The following REEP5 variants were observed in gnomAD, a reference collection of about 807,000 sequenced individuals.
REEP5 encodes receptor accessory protein 5.
REEP5 carries 24 observed loss-of-function variants against 22.4 expected under a neutral mutation model. The observed-to-expected ratio is 1.07, with a 90% CI of 0.78 to 1.51. The LOEUF (loss-of-function observed/expected upper bound fraction) is 1.51. Among genes scored for constraint, REEP5 ranks in the 40% most tolerant of loss-of-function variants. The pLI is 0.00. For missense variants in REEP5, 252 were observed against 233.0 expected (o/e 1.08, Z -0.53); for synonymous variants, 103 against 88.6 (o/e 1.16, Z -0.92).
intron 3 of REEP5, chr5:112,892,173 C>T: frequency 6.2e-7 from 1 of 1,614,210 alleles, no homozygotes; most frequent in East Asian, 2.2e-5. Context: ...CTAATTGTCC[C>T]TTCTACAGTA....
intron 2 of REEP5, among the ~76,000 whole-genome samples, chr5:112,911,025 A>C (rs1436676286): frequency 6.6e-6 from 1 of 152,208 alleles, no homozygotes; most frequent in Non-Finnish European, 1.5e-5. Context: ...AGTTCTGACC[A>C]ATGAAACAGA....
chr5:112,882,925 G>A (rs1768123604), intron 4 of REEP5, among the ~76,000 whole-genome samples: 1 of 152,046 alleles, frequency 6.6e-6, no homozygotes, highest in African/African-American at 2.4e-5. Context: ...AGTCACATGT[G>A]CTCACAGCAT....
At chr5:112,895,246 A>AAAAAAAG (rs1192089055) in intron 3 of REEP5, 2 of 150,954 alleles carry the variant, frequency 1.3e-5, no homozygotes, top group East Asian at 2.0e-4. Flanking sequence ...TCAAAAAAAA[A>AAAAAAAG]AAAAAAAAAA....
Position 112,887,106 on chromosome 5 carries a change from A to C in REEP5, c.429T>G (p.Pro143=). 2 of 1,613,708 alleles carry C rather than the reference A, an allele frequency of 1.2e-6. No homozygotes were observed. Among genetic ancestry groups the C allele is most frequent in the Non-Finnish European group, 1.7e-6 (2 of 1,179,952 alleles). ...TCTGGGACTCGTGCTTCAGGAAGAA[A>C]GGACGGATGATGCGCTTGTAGAGCA... ...AELLYKRIIR[P]FFLKHESQMD... is the part of the protein sequence containing the mutation. Residue 143 remains proline (P), a synonymous_variant, in exon 4 of 5, where the codon CCT becomes CCG. Coordinates refer to ENST00000379638, the MANE Select transcript of REEP5 (RefSeq NM_005669.5).
chr5:112,911,531 C>T (rs1486058621), intron 2 of REEP5, among the ~76,000 whole-genome samples: 1 of 152,198 alleles, frequency 6.6e-6, no homozygotes, highest in Non-Finnish European at 1.5e-5. Context: ...TTATTTCAGA[C>T]ACAATAAATC....
chr5:112,921,728 ACGCGCCCGCCCGCAGGGGCCCCGCCGTC>A (rs1769374325), intron 1 of REEP5: 2 of 232,578 alleles, frequency 8.6e-6, no homozygotes, highest in East Asian at 1.2e-4. Flanking sequence ...ACCTCCGTCA[ACGCGCCCGCCCGCAGGGGCCCCGCCGTC>A]CGCGCCCACC....
At chr5:112,894,672 G>A (rs1297945405) in intron 3 of REEP5, 2 of 152,116 alleles carry the variant, frequency 1.3e-5, no homozygotes, top group African/African-American at 4.8e-5. Flanking sequence ...AGCAGCAAGT[G>A]TTTTTAGCAT....
rs571449767 is a variant in REEP5, at chr5:112,891,374, T to A, written c.352-4191A>T. Among the ~76,000 whole-genome samples the A allele has an allele frequency of 6.6e-5, 10 of 152,180 alleles. No homozygotes were observed. The South Asian group carries it at 2.1e-3, about 32-fold the overall frequency. ...AGGAGTGAGCCACCGCACCTGGCCATAAGTAAATATTTTAGAACTCTCCTT... is the reference window on the plus strand; with the variant it reads ...AGGAGTGAGCCACCGCACCTGGCCAAAAGTAAATATTTTAGAACTCTCCTT... On this transcript the variant is annotated intron_variant, in intron 3 of 4. Coordinates refer to ENST00000379638, the MANE Select transcript of REEP5 (RefSeq NM_005669.5).
Position 112,878,729 on chromosome 5 carries a change from A to T in REEP5, c.*57T>A, listed in dbSNP as rs138911572. Reference sequence around the variant, plus strand: ...TAATTATACCACAGTCCCTAATATAACATCAAGCTCCAGTAGGAAGGTACA... The same window carrying T: ...TAATTATACCACAGTCCCTAATATATCATCAAGCTCCAGTAGGAAGGTACA... On this transcript the variant is annotated 3_prime_UTR_variant, in exon 5 of 5. Transcript: ENST00000379638. 87 of 1,602,562 alleles carry T rather than the reference A, an allele frequency of 5.4e-5. No individual in the cohort carries two copies. The African/African-American group carries it at 9.7e-4, about 18-fold the overall frequency.
intron 3 of REEP5, 42 bp from the exon 4 acceptor site, chr5:112,887,225 G>A (rs1768282808): frequency 6.7e-7 from 1 of 1,500,502 alleles, no homozygotes; most frequent in Non-Finnish European, 9.0e-7. Flanking sequence ...GGAGGGTGGA[G>A]GGGGCACATT....
chr5:112,887,790 G>C (rs1319438636), intron 3 of REEP5, among the ~76,000 whole-genome samples: 1 of 151,964 alleles, frequency 6.6e-6, no homozygotes, highest in Admixed American at 6.6e-5. Flanking sequence ...TTGCCATTGA[G>C]ATTTTTTTTT....
At chr5:112,921,414 G>C in intron 1 of REEP5, 158 bp from the exon 2 acceptor site, 1 of 698,746 alleles carries the variant, frequency 1.4e-6, no homozygotes, top group Non-Finnish European at 2.5e-6. Flanking sequence ...CTGGGCCTGC[G>C]CGTCCGCTGG....
intron 3 of REEP5, 85 bp from the exon 4 acceptor site, chr5:112,887,268 G>C: frequency 8.0e-7 from 1 of 1,249,552 alleles, no homozygotes; most frequent in African/African-American, 1.5e-5. Context: ...ACTACTCTGG[G>C]GATGGGAGAT....
chr5:112,907,561 T>C (rs1263867919), intron 2 of REEP5, among the ~76,000 whole-genome samples: 1 of 152,164 alleles, frequency 6.6e-6, no homozygotes, highest in Non-Finnish European at 1.5e-5. Flanking sequence ...GGCAAAACTG[T>C]GGCAGCAGCT....
chr5:112,878,884 T>C, intron 4 of REEP5, 49 bp from the exon 5 acceptor site: 1 of 1,613,652 alleles, frequency 6.2e-7, no homozygotes, highest in Non-Finnish European at 8.5e-7. Context: ...GCTCTTTCTT[T>C]GGAATGCAAG....
At position 112,876,649 on chromosome 5, in the gene REEP5, A is replaced by G. The variant is rs894681973; in HGVS notation, c.*2137T>C. ...ACCTTTGAAACACTATTCACATTCAAATAAACGCTTGTTTTCTAGCCAGGC... is the reference window on the plus strand; with the variant it reads ...ACCTTTGAAACACTATTCACATTCAGATAAACGCTTGTTTTCTAGCCAGGC... On this transcript the variant is annotated 3_prime_UTR_variant, in exon 5 of 5. Coordinates refer to ENST00000379638, the MANE Select transcript of REEP5 (RefSeq NM_005669.5). 1 of 152,208 alleles carries G rather than the reference A, an allele frequency of 6.6e-6. No homozygotes were observed. The highest frequency in any genetic ancestry group is 1.5e-5 in the Non-Finnish European group (1 of 68,032). 9.4% of individuals were successfully genotyped at this position (152,208 alleles called of 1,614,324 possible). A position where few individuals can be genotyped will look rare whatever the true frequency, so the allele number is the denominator to read the frequency against.
At position 112,877,396 on chromosome 5, in the gene REEP5, TA is replaced by T. The variant is rs1360988417; in HGVS notation, c.*1389del. 3.3e-5 allele frequency: 5 copies of T among 152,316 alleles called. No individual in the cohort carries two copies. The highest frequency in any genetic ancestry group is 3.3e-4 in the Admixed American group (5 of 15,296). 9.4% of individuals were successfully genotyped at this position (152,316 alleles called of 1,614,324 possible). On this transcript the variant is annotated 3_prime_UTR_variant, in exon 5 of 5. Transcript: ENST00000379638. ...GTCGAGTTTAATTCAAAAGGACTCT[TA>T]ACAGTATGGTGTAAAACTCAGATTT...
chr5:112,878,732 T>C lies in REEP5; in HGVS notation c.*54A>G, dbSNP rs1033269215. ...TTATACCACAGTCCCTAATATAACA[T>C]CAAGCTCCAGTAGGAAGGTACAGAG... is the stretch of plus-strand genomic sequence containing the variant. On this transcript the variant is annotated 3_prime_UTR_variant, in exon 5 of 5. Coordinates refer to ENST00000379638, the MANE Select transcript of REEP5 (RefSeq NM_005669.5). 1 of 1,606,116 alleles carries C rather than the reference T, an allele frequency of 6.2e-7. No individual in the cohort carries two copies.
chr5:112,891,540 T>C, intron 3 of REEP5: 8 of 1,486,626 alleles, frequency 5.4e-6, no homozygotes, highest in Non-Finnish European at 7.3e-6. Context: ...AAACATAAAA[T>C]ATTCATAAGT....
Sources: gnomAD v4.1 joint callset for allele counts (sites outside exome capture counted in the v4.1 genomes callset) on GRCh38, gnomAD v4.1.1 for gene constraint, MANE v1.5 for transcripts, NCBI Gene and HGNC (gene_info 2026-07-23, HGNC 2026-07-21) for gene names.